Variants in BLTP1 observed in about 807,000 individuals in gnomAD.
The protein encoded by BLTP1 is bridge-like lipid transfer protein family member 1.
chr4:122,282,418 G>A, the BLTP1 span, among the ~76,000 whole-genome samples: 7 of 151,948 alleles, frequency 4.6e-5, no homozygotes, highest in Non-Finnish European at 1.0e-4. Context: ...GAGGCGGGTG[G>A]ATCACCCGAG....
chr4:122,307,492 G>A, the BLTP1 span: 1 of 985,258 alleles, frequency 1.0e-6, no homozygotes, highest in South Asian at 4.7e-5. Context: ...CTTAAGGTTT[G>A]TTTCTGTTTA....
At chr4:122,186,118 C>G in the BLTP1 span, 4 of 1,612,160 alleles carry the variant, frequency 2.5e-6, no homozygotes, top group East Asian at 4.5e-5. Flanking sequence ...TTTATGGACG[C>G]CTTCAAGAGT....
At chr4:122,277,702 A>AAAAT in the BLTP1 span, 1 of 983,486 alleles carries the variant, frequency 1.0e-6, no homozygotes, top group Non-Finnish European at 1.2e-6. Context: ...TGAAAAGCAG[A>AAAAT]AAATGCAAGT....
chr4:122,247,107 G>C, the BLTP1 span: 1 of 1,553,746 alleles, frequency 6.4e-7, no homozygotes, highest in Non-Finnish European at 8.8e-7. Context: ...TGTTTTCTCT[G>C]AACTGTATTA....
At chr4:122,247,142 C>CTTTTTT in the BLTP1 span, 1 of 1,593,798 alleles carries the variant, frequency 6.3e-7, no homozygotes. Flanking sequence ...ATTTTACTCT[C>CTTTTTT]TTTTTTTTCA....
the BLTP1 span, chr4:122,315,321 A>G: frequency 8.8e-6 from 10 of 1,130,716 alleles, no homozygotes; most frequent in African/African-American, 1.6e-4. Context: ...ACATAGAGAA[A>G]TCAATCCTGT....
chr4:122,269,439 T>C, the BLTP1 span: 2 of 985,220 alleles, frequency 2.0e-6, no homozygotes, highest in Non-Finnish European at 2.4e-6. Flanking sequence ...TTGGTCTAGC[T>C]GAACTTGACA....
chr4:122,353,617 C>T, the BLTP1 span: 1 of 275,290 alleles, frequency 3.6e-6, no homozygotes, highest in African/African-American at 2.3e-5. The surrounding 1 kb of genome is among the most constrained non-coding windows in gnomAD (Gnocchi z 4.3). Context: ...ATGCTTTCTT[C>T]ATCTTACTAG....
chr4:122,247,161 T>A, the BLTP1 span: 1 of 1,602,976 alleles, frequency 6.2e-7, no homozygotes, highest in Non-Finnish European at 8.5e-7. Context: ...CATAAAGAGG[T>A]GTGGTTGAAG....
chr4:122,356,240 C>T, the BLTP1 span, among the ~76,000 whole-genome samples: 11 of 152,138 alleles, frequency 7.2e-5, no homozygotes, highest in Non-Finnish European at 1.3e-4. Context: ...GAATAAATGG[C>T]ATATATAGGT....
At chr4:122,281,409 A>C in the BLTP1 span, 2 of 1,359,130 alleles carry the variant, frequency 1.5e-6, no homozygotes, top group Non-Finnish European at 1.9e-6. Flanking sequence ...ATATGATCTG[A>C]TATTGGAAAG....
At chr4:122,188,906 A>G in the BLTP1 span, 1,341 of 981,878 alleles carry the variant, frequency 1.4e-3, 11 homozygotes, top group African/African-American at 0.022. Flanking sequence ...CTGGTATTCG[A>G]TTTTCCAGGA....
the BLTP1 span, among the ~76,000 whole-genome samples, chr4:122,233,074 G>A: frequency 6.6e-6 from 1 of 152,128 alleles, no homozygotes. Context: ...ACATCTCCTT[G>A]GAACTTATTA....
the BLTP1 span, chr4:122,219,530 T>C: frequency 1.9e-6 from 3 of 1,613,930 alleles, no homozygotes; most frequent in Non-Finnish European, 2.5e-6. Context: ...ATTACTGTAC[T>C]TGTTAATTTG....
At chr4:122,357,491 G>C in the BLTP1 span, among the ~76,000 whole-genome samples, 1 of 151,632 alleles carries the variant, frequency 6.6e-6, no homozygotes, top group South Asian at 2.1e-4. Context: ...GCTTGAGCCT[G>C]GGAGTTCAAG....
the BLTP1 span, chr4:122,318,034 G>T: frequency 8.7e-7 from 1 of 1,145,034 alleles, no homozygotes. Context: ...GTTTTGGCTT[G>T]TCTGTATATA....
At chr4:122,192,478 A>T in the BLTP1 span, 6 of 812,306 alleles carry the variant, frequency 7.4e-6, no homozygotes, top group Non-Finnish European at 9.4e-6. Context: ...AAACTATTTT[A>T]TTATGGCAGA....
At chr4:122,238,439 C>G in the BLTP1 span, 1 of 1,000,340 alleles carries the variant, frequency 1.0e-6, no homozygotes, top group Non-Finnish European at 1.5e-6. Context: ...TCCCTCTCCA[C>G]TCCCCCACTT....
chr4:122,236,884 C>G, the BLTP1 span: 1 of 980,738 alleles, frequency 1.0e-6, no homozygotes, highest in Non-Finnish European at 1.2e-6. Context: ...ATAACCCCTA[C>G]ATACGTACCT....
Sources: allele counts gnomAD v4.1 joint callset (sites outside exome capture counted in the v4.1 genomes callset), GRCh38; gene constraint gnomAD v4.1.1; non-coding constraint Gnocchi (gnomAD v3.1); transcripts MANE v1.5; gene names NCBI Gene and HGNC (gene_info 2026-07-23, HGNC 2026-07-21).